The following SEL1L3 variants were observed in gnomAD, a reference collection of about 807,000 sequenced individuals.
SEL1L3 encodes the protein protein sel-1 homolog 3.
In SEL1L3, 76 loss-of-function variants were observed where a neutral mutation model predicts 142.8. That is an observed-to-expected ratio of 0.53 (90% CI 0.44 to 0.64). The LOEUF (loss-of-function observed/expected upper bound fraction) is 0.64, where lower values mean the gene tolerates loss of function less well. SEL1L3 is among the 30% of genes least tolerant of loss of function. The pLI, the probability that SEL1L3 is intolerant of heterozygous loss-of-function variation, is 0.00. For missense variants in SEL1L3, 1,262 were observed against 1,381.7 expected (o/e 0.91, Z 1.37); for synonymous variants, 504 against 519.6 (o/e 0.97, Z 0.41).
intron 2 of SEL1L3, among the ~76,000 whole-genome samples, chr4:25,842,827 T>C (rs533190759): frequency 8.5e-4 from 129 of 152,306 alleles, no homozygotes; most frequent in African/African-American, 2.9e-3. Context: ...GGCCAGGAAA[T>C]AGGCACATAG....
chr4:25,769,547 C>T (rs951272321), intron 17 of SEL1L3, among the ~76,000 whole-genome samples: 3 of 152,192 alleles, frequency 2.0e-5, no homozygotes, highest in Non-Finnish European at 4.4e-5. Flanking sequence ...CTATGTTTGG[C>T]TACAAGAATC....
chr4:25,836,502 A>C (rs1416480066), intron 2 of SEL1L3, among the ~76,000 whole-genome samples: 1 of 151,976 alleles, frequency 6.6e-6, no homozygotes, highest in Non-Finnish European at 1.5e-5. Context: ...CAAAAAAAAA[A>C]TTAGCCGGGC....
In SEL1L3 at chr4:25,782,299, G is replaced by T; in HGVS notation, c.2400C>A (p.Tyr800Ter). 6.2e-7 allele frequency: 1 copy of T among 1,613,892 alleles called. No individual in the cohort carries two copies. The change falls in exon 15 of 24, where the codon TAC becomes TAA. Residue 800 changes from tyrosine (Y) to a stop codon, truncating the protein, a stop_gained. Coordinates refer to ENST00000399878, the MANE Select transcript of SEL1L3 (RefSeq NM_015187.5). LOFTEE classifies it high-confidence loss of function. Reference sequence around the variant, plus strand: ...CATCCAAATGCAGGACTCCAAGATTGTATGACGCATCTGGGTTCCCCATTT... The same window carrying T: ...CATCCAAATGCAGGACTCCAAGATTTTATGACGCATCTGGGTTCCCCATTT... ...AEEMGNPDAS[Y>*]NLGVLHLDGI...
intron 13 of SEL1L3, among the ~76,000 whole-genome samples, chr4:25,787,769 G>A (rs1300030061): frequency 1.3e-5 from 2 of 152,160 alleles, no homozygotes; most frequent in South Asian, 2.1e-4. Flanking sequence ...GGACTTTCAC[G>A]CTTGTCTCCT....
upstream of SEL1L3, among the ~76,000 whole-genome samples, chr4:25,863,196 C>T (rs1163573408): frequency 7.6e-6 from 1 of 132,444 alleles, no homozygotes; most frequent in Non-Finnish European, 1.7e-5. Context: ...CCGCCGCCAC[C>T]CCCCGCCCGG....
chr4:25,793,046 T>G (rs995897925), intron 11 of SEL1L3, among the ~76,000 whole-genome samples: 5 of 152,236 alleles, frequency 3.3e-5, no homozygotes, highest in African/African-American at 1.2e-4. Context: ...CCAGATTGAC[T>G]CATCAAATCT....
chr4:25,832,301 C>G (rs1198257447), intron 5 of SEL1L3, among the ~76,000 whole-genome samples: 4 of 152,078 alleles, frequency 2.6e-5, no homozygotes, highest in Non-Finnish European at 5.9e-5. Context: ...AATCACAGAT[C>G]AATAAGAAAA....
chr4:25,775,257 T>C lies in SEL1L3; in HGVS notation c.2669+1020A>G, dbSNP rs187947342. Among the ~76,000 whole-genome samples, 4 of 152,334 alleles carry C rather than the reference T, an allele frequency of 2.6e-5. No individual in the cohort carries two copies. In the East Asian group the frequency reaches 7.7e-4, roughly 29 times the overall value. Reference sequence around the variant, plus strand: ...CAGGTAATAAACTTTCACAGGATGATGATAATAAAAATTTGCATTTGGTGC... The same window carrying C: ...CAGGTAATAAACTTTCACAGGATGACGATAATAAAAATTTGCATTTGGTGC... On this transcript the variant is annotated intron_variant, in intron 17 of 23. Transcript: ENST00000399878.
At chr4:25,853,209 C>T (rs1006381606) in intron 1 of SEL1L3, among the ~76,000 whole-genome samples, 14 of 152,142 alleles carry the variant, frequency 9.2e-5, no homozygotes, top group African/African-American at 3.4e-4. Flanking sequence ...CCAATGCACT[C>T]CAGACTGAGC....
chr4:25,742,444 C>T (rs368850275), downstream of SEL1L3, among the ~76,000 whole-genome samples: 20 of 152,032 alleles, frequency 1.3e-4, no homozygotes, highest in East Asian at 2.3e-3. Flanking sequence ...CAATCAGGTG[C>T]GTGCCACCAC....
the SEL1L3 span, among the ~76,000 whole-genome samples, chr4:25,716,441 T>C: frequency 2.0e-5 from 3 of 152,170 alleles, no homozygotes; most frequent in Non-Finnish European, 2.9e-5. Context: ...ATTGGAGAAC[T>C]ACATGGCAAT....
At chr4:25,742,110 C>A in the SEL1L3 span, among the ~76,000 whole-genome samples, 2 of 152,078 alleles carry the variant, frequency 1.3e-5, no homozygotes, top group Admixed American at 6.6e-5. Flanking sequence ...CCGTGCCCGG[C>A]CAAATCTTAC....
downstream of SEL1L3, among the ~76,000 whole-genome samples, chr4:25,744,348 CT>C (rs35155388): frequency 1.1e-3 from 110 of 101,428 alleles, 2 homozygotes; most frequent in East Asian, 6.3e-3. Context: ...ATGTGTGAGT[CT>C]TTTTTTTTTT....
intron 1 of SEL1L3, among the ~76,000 whole-genome samples, chr4:25,848,548 A>G (rs1284488439): frequency 6.6e-6 from 1 of 152,218 alleles, no homozygotes; most frequent in African/African-American, 2.4e-5. Context: ...TCATGAAATC[A>G]ATGCAAGGTT....
intron 20 of SEL1L3, chr4:25,759,914 T>C (rs545931998): frequency 1.2e-4 from 19 of 152,370 alleles, no homozygotes; most frequent in African/African-American, 4.6e-4. Context: ...TCATGTTTTT[T>C]GTGTTTTGTT....
At chr4:25,714,059 T>C in the SEL1L3 span, among the ~76,000 whole-genome samples, 1 of 152,164 alleles carries the variant, frequency 6.6e-6, no homozygotes, top group Non-Finnish European at 1.5e-5. Flanking sequence ...TCACTCCTCT[T>C]TGTCTTTCTC....
At chr4:25,826,290 G>A (rs1232323093) in intron 6 of SEL1L3, among the ~76,000 whole-genome samples, 3 of 152,162 alleles carry the variant, frequency 2.0e-5, no homozygotes, top group Middle Eastern at 3.2e-3. Flanking sequence ...TCATTTATGC[G>A]TTGCACTGCA....
intron 1 of SEL1L3, among the ~76,000 whole-genome samples, chr4:25,853,285 C>T (rs947733905): frequency 2.6e-5 from 4 of 152,264 alleles, no homozygotes; most frequent in African/African-American, 7.2e-5. Context: ...CACATTTCAC[C>T]GTGTACTCTC....
chr4:25,821,627 A>G (rs760783350), intron 7 of SEL1L3, among the ~76,000 whole-genome samples: 49 of 152,266 alleles, frequency 3.2e-4, no homozygotes, highest in Non-Finnish European at 6.5e-4. Flanking sequence ...TTGCTACAGT[A>G]TCTCTTCTGA....
Sources: allele counts gnomAD v4.1 joint callset (sites outside exome capture counted in the v4.1 genomes callset), GRCh38; gene constraint gnomAD v4.1.1; transcripts MANE v1.5; gene names NCBI Gene and HGNC (gene_info 2026-07-23, HGNC 2026-07-21).